SLIT3: variants seen among roughly 807,000 people sequenced by gnomAD.
SLIT3 encodes the protein slit homolog 3 protein.
Under a neutral mutation model 184.0 loss-of-function variants are expected in SLIT3, and 68 were observed. That is an observed-to-expected ratio of 0.37 (90% CI 0.30 to 0.45). The LOEUF (loss-of-function observed/expected upper bound fraction) is 0.45. Among genes scored for constraint, SLIT3 ranks in the 20% least tolerant of loss-of-function variants. The pLI is 1.00. For synonymous variants in SLIT3, 831 were observed against 828.6 expected (o/e 1.00, Z -0.05); for missense variants, 1,707 against 2,026.0 (o/e 0.84, Z 3.02).
rs977616483 is a variant in SLIT3 at position 169,169,039 on chromosome 5, G to C, written c.413+24440C>G. On this transcript the variant is annotated intron_variant, in intron 4 of 35. Transcript: ENST00000519560. Reference sequence around the variant, plus strand: ...CCCAGAGCAGGGTCAGCCCAGAGTGGGGGGGGGATCACCTTTTTCTAACTC... The same window carrying C: ...CCCAGAGCAGGGTCAGCCCAGAGTGCGGGGGGGATCACCTTTTTCTAACTC... 2.0e-4 allele frequency among the ~76,000 whole-genome samples: 11 copies of C among 56,282 alleles called. No individual in the cohort carries two copies. In the East Asian group the frequency reaches 3.3e-3, roughly 17 times the overall value. 36.9% of individuals were successfully genotyped at this position (56,282 alleles called of 152,430 possible).
At chr5:168,929,151 G>A (rs1761916098) in intron 4 of SLIT3, among the ~76,000 whole-genome samples, 1 of 152,158 alleles carries the variant, frequency 6.6e-6, no homozygotes, top group East Asian at 1.9e-4. Context: ...GGCTAGTAGA[G>A]CTTGGGTCAC....
chr5:168,884,199 C>T (rs187343382), intron 4 of SLIT3, among the ~76,000 whole-genome samples: 33 of 151,084 alleles, frequency 2.2e-4, no homozygotes, highest in African/African-American at 5.8e-4. Flanking sequence ...TGGATCTCAA[C>T]GAGTAATCAA....
chr5:168,721,598 T>G (rs999684203), intron 23 of SLIT3, among the ~76,000 whole-genome samples: 1 of 152,214 alleles, frequency 6.6e-6, no homozygotes, highest in Non-Finnish European at 1.5e-5. Context: ...TGCTCAGCCA[T>G]GCAGGAATGC....
intron 20 of SLIT3, among the ~76,000 whole-genome samples, chr5:168,728,300 A>ATATATATATATC (rs1554135974): frequency 2.1e-5 from 3 of 140,306 alleles, no homozygotes; most frequent in Non-Finnish European, 4.7e-5. Flanking sequence ...ATATATATAT[A>ATATATATATATC]TCCTCAGAGA....
rs1761022805 is a variant in SLIT3, at chr5:168,665,986, ATTCCTTT to A, written c.*461_*467del. On this transcript the variant is annotated 3_prime_UTR_variant, in exon 36 of 36. Transcript: ENST00000519560. ...TCTTTTCCTTCTCTCTCTTCCTCTT[ATTCCTTT>A]TTCTGATCTCAATGAGCAGCTCTTG... 6.6e-6 allele frequency: 1 copy of A among 152,372 alleles called. No homozygotes were observed. The highest frequency in any genetic ancestry group is 1.5e-5 in the Non-Finnish European group (1 of 68,150). 9.4% of individuals were successfully genotyped at this position (152,372 alleles called of 1,614,324 possible).
At chr5:168,984,396 T>C (rs1197825199) in intron 4 of SLIT3, among the ~76,000 whole-genome samples, 1 of 152,158 alleles carries the variant, frequency 6.6e-6, no homozygotes, top group East Asian at 1.9e-4. Context: ...AGCTACCCCA[T>C]CTGAATTGCC....
At chr5:169,160,003 C>G (rs1762427791) in intron 4 of SLIT3, among the ~76,000 whole-genome samples, 2 of 152,166 alleles carry the variant, frequency 1.3e-5, no homozygotes, top group Admixed American at 6.5e-5. Context: ...CCAAATCAAC[C>G]TGGGTCTCTG....
intron 6 of SLIT3, among the ~76,000 whole-genome samples, chr5:168,828,820 C>T (rs567580519): frequency 3.7e-4 from 56 of 152,276 alleles, no homozygotes; most frequent in Non-Finnish European, 4.0e-4. Context: ...GAGTCTCATG[C>T]AAGTTCGTGT....
At chr5:169,099,774 C>A (rs180765336) in intron 4 of SLIT3, among the ~76,000 whole-genome samples, 2 of 152,312 alleles carry the variant, frequency 1.3e-5, no homozygotes, top group Admixed American at 1.3e-4. Flanking sequence ...AGGATGGTAA[C>A]ACAGTGTGAC....
Position 169,273,090 on chromosome 5 carries a change from C to T in SLIT3, c.198-21631G>A, listed in dbSNP as rs142819852. Among the ~76,000 whole-genome samples the T allele has an allele frequency of 5.9e-4, 90 of 152,228 alleles. 1 individual carries two copies. The highest frequency in any genetic ancestry group is 1.9e-3 in the East Asian group (10 of 5,176). On this transcript the variant is annotated intron_variant, in intron 1 of 35. Transcript: ENST00000519560. ...GCCCACACCTCAGCCCTTGGGAAGG[C>T]GGCCCCTTCTGAACCGAGAGAGAAC...
chr5:168,807,693 G>T (rs1005121041), intron 8 of SLIT3, among the ~76,000 whole-genome samples: 1 of 152,120 alleles, frequency 6.6e-6, no homozygotes, highest in African/African-American at 2.4e-5. Context: ...GCCTCTGGCT[G>T]GGGGCTCTTA....
chr5:169,057,267 G>A (rs181704447), intron 4 of SLIT3, among the ~76,000 whole-genome samples: 1 of 152,328 alleles, frequency 6.6e-6, no homozygotes, highest in East Asian at 1.9e-4. Context: ...ATTCAGAGTG[G>A]ATGAGACTTA....
chr5:168,942,660 C>G (rs867780670), intron 4 of SLIT3, among the ~76,000 whole-genome samples: 1 of 150,838 alleles, frequency 6.6e-6, no homozygotes, highest in African/African-American at 2.5e-5. Flanking sequence ...TTCCACATTC[C>G]CCTTGGCCTT....
intron 14 of SLIT3, among the ~76,000 whole-genome samples, chr5:168,767,816 C>T (rs982566231): frequency 6.6e-6 from 1 of 152,070 alleles, no homozygotes; most frequent in Non-Finnish European, 1.5e-5. Context: ...AACCATGGGG[C>T]GTATGCCTTG....
chr5:168,800,536 A>G (rs970393123), intron 9 of SLIT3, among the ~76,000 whole-genome samples: 2 of 152,204 alleles, frequency 1.3e-5, no homozygotes, highest in Non-Finnish European at 2.9e-5. Context: ...GCAGTGAGCC[A>G]AGATCACACC....
At position 169,137,739 on chromosome 5, in the gene SLIT3, C is replaced by G. The variant is rs1342734400; in HGVS notation, c.413+55740G>C. On this transcript the variant is annotated intron_variant, in intron 4 of 35. Coordinates refer to ENST00000519560, the MANE Select transcript of SLIT3 (RefSeq NM_003062.4). The stretch of plus-strand genomic sequence containing the variant: ...CCACCCAGAAACCTAGGGTGACCAA[C>G]TATCCCCATTTGCCAAGGACTGATG... Among the ~76,000 whole-genome samples, 4 of 152,080 alleles carry G rather than the reference C, an allele frequency of 2.6e-5. No homozygotes were observed. In the East Asian group the frequency reaches 7.8e-4, roughly 29 times the overall value.
chr5:168,925,664 TAA>T lies in SLIT3; in HGVS notation c.414-42330_414-42329del, dbSNP rs79576362. Among the ~76,000 whole-genome samples the T allele has an allele frequency of 9.0e-4, 123 of 137,400 alleles. 1 individual carries two copies. The highest frequency in any genetic ancestry group is 2.0e-3 in the African/African-American group (76 of 37,630). 90.1% of individuals were successfully genotyped at this position (137,400 alleles called of 152,430 possible). Reference sequence around the variant, plus strand: ...AGGCAATCTGTAGTCTCTGCCCTGTTAAAAAAAAAAAAAAAAGAGGGGGAGGT... The same window carrying T: ...AGGCAATCTGTAGTCTCTGCCCTGTTAAAAAAAAAAAAAAGAGGGGGAGGT... On this transcript the variant is annotated intron_variant, in intron 4 of 35. Coordinates refer to ENST00000519560, the MANE Select transcript of SLIT3 (RefSeq NM_003062.4).
At chr5:169,166,784 T>C (rs1017023781) in intron 4 of SLIT3, among the ~76,000 whole-genome samples, 1 of 152,170 alleles carries the variant, frequency 6.6e-6, no homozygotes, top group Non-Finnish European at 1.5e-5. Flanking sequence ...CCTATCTAGA[T>C]AGGTTTGTGT....
chr5:168,854,977 A>G (rs1331239338), intron 5 of SLIT3, among the ~76,000 whole-genome samples: 1 of 152,234 alleles, frequency 6.6e-6, no homozygotes, highest in African/African-American at 2.4e-5. Context: ...TCTAGCTAAT[A>G]CACAGCATGG....
Sources: gnomAD v4.1 joint callset for allele counts (sites outside exome capture counted in the v4.1 genomes callset) on GRCh38, gnomAD v4.1.1 for gene constraint, MANE v1.5 for transcripts, NCBI Gene and HGNC (gene_info 2026-07-23, HGNC 2026-07-21) for gene names.